Variants in ZNF785 observed in about 807,000 individuals in gnomAD.
The protein encoded by ZNF785 is zinc finger protein 785.
ZNF785 carries 15 observed loss-of-function variants against 11.3 expected under a neutral mutation model. The ratio of observed to expected loss-of-function variants is 1.32; its 90% confidence interval spans 0.89 to 2.04. The LOEUF (loss-of-function observed/expected upper bound fraction) is 2.04. ZNF785 is among the 30% of genes most tolerant of loss of function. The probability of loss-of-function intolerance (pLI) is 0.00; values close to 1 mark genes in which losing one functional copy is unlikely to be tolerated. For missense variants in ZNF785, 572 were observed against 560.9 expected (o/e 1.02, Z -0.20); for synonymous variants, 221 against 231.0 (o/e 0.96, Z 0.39).
chr16:30,582,833 A>C lies in ZNF785; in HGVS notation c.945T>G (p.Pro315=). 1.9e-6 allele frequency: 3 copies of C among 1,608,350 alleles called. No individual in the cohort carries two copies. The highest frequency in any genetic ancestry group is 2.5e-6 in the Non-Finnish European group (3 of 1,176,520). The part of the protein sequence containing the change: ...IHTGEKPYPC[P]DCGRRFTYSS... The stretch of plus-strand genomic sequence containing the variant: ...AATAGGTGAAGCGGCGGCCGCAGTC[A>C]GGACAGGGGTAGGGCTTCTCGCCGG... The change falls in exon 3 of 3, where the codon CCT becomes CCG. Residue 315 remains proline (P), a synonymous_variant. Coordinates refer to ENST00000395216, the MANE Select transcript of ZNF785 (RefSeq NM_152458.7).
At chr16:30,580,248 C>T (rs909815705), downstream of ZNF785, among the ~76,000 whole-genome samples, 6 of 138,060 alleles carry the variant, frequency 4.3e-5, no homozygotes, top group East Asian at 2.2e-4. Context: ...AGTGCAGTGG[C>T]GCTATGTTGG....
chr16:30,585,042 G>C lies in ZNF785; in HGVS notation c.334+80C>G, dbSNP rs1367637856. 7 of 1,527,640 alleles carry C rather than the reference G, an allele frequency of 4.6e-6. No homozygotes were observed. Among genetic ancestry groups the C allele is most frequent in the Non-Finnish European group, 6.2e-6 (7 of 1,132,790 alleles). The allele number at this position is 1,527,640 out of a possible 1,614,324, so 94.6% of individuals were successfully genotyped here. On this transcript the variant is annotated intron_variant, in intron 2 of 2. Coordinates refer to ENST00000395216, the MANE Select transcript of ZNF785 (RefSeq NM_152458.7). The surrounding 1 kb of genome is among the most constrained non-coding windows in gnomAD (Gnocchi z 4.0). ...GGGAGACAGGATGGGACTTTGGAGG[G>C]GGCAGCCTGCGCTGAGGATGTGAGT...
At position 30,582,705 on chromosome 16, in the gene ZNF785, T is replaced by C. The variant is rs1265753110; in HGVS notation, c.1073A>G (p.His358Arg). ...GCTGCAGGAGCGGTGGATCCACCGA[T>C]GGGCTTCCAGGGCGGTCTTGCGCTT... ...GFKRKTALEA[H>R]RWIHRSCSER... The change falls in exon 3 of 3, where the codon CAT (histidine) becomes CGT (arginine). Residue 358 changes from histidine to arginine, a missense_variant. His to Arg is a conservative substitution (Grantham distance 29). Transcript: ENST00000395216. 1.9e-6 allele frequency: 3 copies of C among 1,613,774 alleles called. No individual in the cohort carries two copies. Among genetic ancestry groups the C allele is most frequent in the Non-Finnish European group, 2.5e-6 (3 of 1,179,800 alleles).
intron 2 of ZNF785, 187 bp from the exon 3 acceptor site, chr16:30,583,630 C>T: frequency 1.5e-6 from 1 of 664,544 alleles, no homozygotes; most frequent in Non-Finnish European, 2.4e-6. Context: ...TGAAAGCCAG[C>T]CTGGAGTAAA....
rs751005256 is a variant in ZNF785 at position 30,583,105 on chromosome 16, C to T, written c.673G>A (p.Glu225Lys). The part of the protein sequence containing the change: ...LLQHQFIHTG[E>K]KPYPCPDCGR... ...CAGTCGGGGCAGGGGTAGGGCTTCT[C>T]GCCGGTGTGGATGAACTGATGCTGG... is the stretch of plus-strand genomic sequence containing the variant. Residue 225 changes from glutamate (E) to lysine (K), a missense_variant, in exon 3 of 3, where the codon GAG becomes AAG. Transcript: ENST00000395216. 6.2e-7 allele frequency: 1 copy of T among 1,614,094 alleles called. No homozygotes were observed. Among genetic ancestry groups the T allele is most frequent in the Non-Finnish European group, 8.5e-7 (1 of 1,179,994 alleles).
Position 30,581,692 on chromosome 16 carries a change from G to A in ZNF785, c.*868C>T, listed in dbSNP as rs2051812365. ...AGAGTGGGGGGGGAGTTCCCCACCT[G>A]AGGCCACTGTCCTCTCTATGGCCAC... On this transcript the variant is annotated 3_prime_UTR_variant, in exon 3 of 3. Coordinates refer to ENST00000395216, the MANE Select transcript of ZNF785 (RefSeq NM_152458.7). 6.6e-6 allele frequency: 1 copy of A among 152,162 alleles called. No homozygotes were observed. Among genetic ancestry groups the A allele is most frequent in the African/African-American group, 2.4e-5 (1 of 41,426 alleles). The allele number at this position is 152,162 out of a possible 1,614,324, so 9.4% of individuals were successfully genotyped here.
At position 30,582,728 on chromosome 16, in the gene ZNF785, CT is replaced by C. The variant is rs1371221524; in HGVS notation, c.1049del (p.Lys350SerfsTer80). On this transcript the variant is annotated frameshift_variant, in exon 3 of 3. Coordinates refer to ENST00000395216, the MANE Select transcript of ZNF785 (RefSeq NM_152458.7). LOFTEE classifies it low-confidence loss of function (END_TRUNC). ...GATGGGCTTCCAGGGCGGTCTTGCG[CT>C]TGAAGCCTTTCCCACACTCCACGCA... is the stretch of plus-strand genomic sequence containing the variant. ...FPCVECGKGF[K>X]RKTALEAHRW... 1.2e-6 allele frequency: 2 copies of C among 1,611,892 alleles called. No individual in the cohort carries two copies. Among genetic ancestry groups the C allele is most frequent in the Non-Finnish European group, 1.7e-6 (2 of 1,178,562 alleles).
Sources: allele counts gnomAD v4.1 joint callset (sites outside exome capture counted in the v4.1 genomes callset), GRCh38; gene constraint gnomAD v4.1.1; non-coding constraint Gnocchi (gnomAD v3.1); transcripts MANE v1.5; gene names NCBI Gene and HGNC (gene_info 2026-07-23, HGNC 2026-07-21).